Variants in CSRP3 observed in about 807,000 individuals in gnomAD.
The protein encoded by CSRP3 is cysteine and glycine-rich protein 3.
A neutral mutation model predicts 24.3 loss-of-function variants in CSRP3; 24 were observed. That is an observed-to-expected ratio of 0.99 (90% CI 0.71 to 1.39). The LOEUF is 1.39. CSRP3 is among the 40% of genes most tolerant of loss of function. The pLI is 0.00. For missense variants in CSRP3, 240 were observed against 249.0 expected (o/e 0.96, Z 0.24); for synonymous variants, 105 against 94.0 (o/e 1.12, Z -0.68).
At chr11:19,194,932 C>G (rs1850673217) in intron 1 of CSRP3, among the ~76,000 whole-genome samples, 2 of 151,780 alleles carry the variant, frequency 1.3e-5, no homozygotes. Flanking sequence ...AGTTTGTGAC[C>G]CCTGGCATTG....
intron 2 of CSRP3, among the ~76,000 whole-genome samples, chr11:19,191,938 C>T (rs1009478438): frequency 5.9e-5 from 9 of 152,200 alleles, no homozygotes; most frequent in African/African-American, 2.2e-4. Context: ...TCAGTCACAG[C>T]TGACCAGAAG....
At chr11:19,186,065 G>A in intron 4 of CSRP3, 151 bp downstream of exon 4, 1 of 970,914 alleles carries the variant, frequency 1.0e-6, no homozygotes, top group Non-Finnish European at 1.6e-6. Flanking sequence ...GCCCCAGCCT[G>A]GGAAAGTGGC....
chr11:19,186,884 G>A (rs775964293), intron 3 of CSRP3, among the ~76,000 whole-genome samples: 8 of 152,234 alleles, frequency 5.3e-5, no homozygotes, highest in Non-Finnish European at 7.3e-5. Flanking sequence ...TGTCCCAGGA[G>A]AACAATGTCC....
intron 1 of CSRP3, among the ~76,000 whole-genome samples, chr11:19,194,843 A>G (rs867457640): frequency 9.9e-5 from 15 of 152,280 alleles, no homozygotes; most frequent in Middle Eastern, 3.4e-3. Flanking sequence ...TTCACCCTGC[A>G]TTTACTACCT....
intron 1 of CSRP3, among the ~76,000 whole-genome samples, chr11:19,194,721 ATGTGGTTTTTCTATTTC>A (rs1850669546): frequency 6.6e-6 from 1 of 152,218 alleles, no homozygotes; most frequent in African/African-American, 2.4e-5. Context: ...AAATGGAAGC[ATGTGGTTTTTCTATTTC>A]TGTAGTTCGG....
At chr11:19,191,585 G>T (rs1176274406) in intron 2 of CSRP3, among the ~76,000 whole-genome samples, 1 of 152,160 alleles carries the variant, frequency 6.6e-6, no homozygotes, top group Non-Finnish European at 1.5e-5. Context: ...GGAGTCTAAA[G>T]GTAGAGGTTC....
chr11:19,196,150 C>G (rs1850699199), intron 1 of CSRP3, among the ~76,000 whole-genome samples: 1 of 152,186 alleles, frequency 6.6e-6, no homozygotes, highest in African/African-American at 2.4e-5. Context: ...GTAGTCCCAG[C>G]TACTCAGGAG....
chr11:19,191,808 A>G (rs948665988), intron 2 of CSRP3, among the ~76,000 whole-genome samples: 5 of 152,114 alleles, frequency 3.3e-5, no homozygotes, highest in African/African-American at 1.2e-4. Context: ...TCTTTCATGC[A>G]GTTACTGGTG....
chr11:19,199,066 G>A (rs538596287), intron 1 of CSRP3, among the ~76,000 whole-genome samples: 53 of 152,336 alleles, frequency 3.5e-4, no homozygotes, highest in Non-Finnish European at 6.0e-4. Context: ...TTCAGACTGT[G>A]AATCAGCTTT....
intron 1 of CSRP3, among the ~76,000 whole-genome samples, chr11:19,201,435 T>C (rs543490388): frequency 6.6e-6 from 1 of 152,326 alleles, no homozygotes; most frequent in South Asian, 2.1e-4. Context: ...ATATATTGCA[T>C]CTAGTACAAT....
In CSRP3 at chr11:19,185,056, C is replaced by A. The variant is rs886048097; in HGVS notation, c.415-11G>T. 2.5e-6 allele frequency: 4 copies of A among 1,609,082 alleles called. No homozygotes were observed. Among genetic ancestry groups the A allele is most frequent in the Middle Eastern group, 1.7e-4 (1 of 6,054 alleles). On this transcript the variant is annotated splice_polypyrimidine_tract_variant and intron_variant, in intron 4 of 5. Transcript: ENST00000265968. Reference sequence around the variant, plus strand: ...GGTCTTGTGCCAAGGCTGAGGGGCACAGAAAAGTTGCATATTTAATGAGGT... The same window carrying A: ...GGTCTTGTGCCAAGGCTGAGGGGCAAAGAAAAGTTGCATATTTAATGAGGT...
chr11:19,192,699 C>T (rs750994565), intron 1 of CSRP3, among the ~76,000 whole-genome samples: 4 of 152,174 alleles, frequency 2.6e-5, no homozygotes, highest in Non-Finnish European at 5.9e-5. Context: ...TCAGTTTCTT[C>T]TCCTGTTAAA....
At chr11:19,184,865 G>A in intron 5 of CSRP3, 87 bp downstream of exon 5, 1 of 1,015,580 alleles carries the variant, frequency 9.8e-7, no homozygotes, top group East Asian at 2.4e-5. Context: ...GAAGACACGG[G>A]AAGACCTCCA....
At chr11:19,182,777 C>T (rs113174709) in intron 5 of CSRP3, 31 bp from the exon 6 acceptor site, 3 of 1,517,816 alleles carry the variant, frequency 2.0e-6, no homozygotes, top group Non-Finnish European at 9.2e-7. Flanking sequence ...AAGGGAGAGA[C>T]AATGCATTGG....
intron 1 of CSRP3, among the ~76,000 whole-genome samples, chr11:19,198,976 A>G (rs532785459): frequency 6.6e-6 from 1 of 152,344 alleles, no homozygotes; most frequent in East Asian, 1.9e-4. Context: ...TATTGTTGTT[A>G]TTACATTATC....
chr11:19,196,899 G>A (rs1247020967), intron 1 of CSRP3: 1 of 152,250 alleles, frequency 6.6e-6, no homozygotes. Context: ...TTGGACTCCA[G>A]ATTTGGATAC....
At chr11:19,186,611 T>C (rs1276030372) in intron 3 of CSRP3, among the ~76,000 whole-genome samples, 1 of 152,232 alleles carries the variant, frequency 6.6e-6, no homozygotes, top group Non-Finnish European at 1.5e-5. Flanking sequence ...CTTTCCTTTT[T>C]GTTGTGAAGC....
At chr11:19,197,448 TTTTCC>T (rs1850746268) in intron 1 of CSRP3, among the ~76,000 whole-genome samples, 1 of 145,534 alleles carries the variant, frequency 6.9e-6, no homozygotes, top group African/African-American at 2.6e-5. Context: ...TTTCCATCCT[TTTTCC>T]TTTCCTTCCC....
In CSRP3 at chr11:19,192,444, G is replaced by T. The variant is rs762730416; in HGVS notation, c.5C>A (p.Pro2Gln). 1.9e-6 allele frequency: 3 copies of T among 1,613,832 alleles called. No individual in the cohort carries two copies. Among genetic ancestry groups the T allele is most frequent in the Non-Finnish European group, 2.5e-6 (3 of 1,179,754 alleles). The change falls in exon 2 of 6, where the codon CCA becomes CAA. Residue 2 changes from proline (P) to glutamine (Q), a missense_variant. Physicochemically the swap from Pro to Gln is moderately conservative, Grantham distance 76. Transcript: ENST00000265968. Reference protein sequence around the residue: MPNWGGGAKCGA... With the variant: MQNWGGGAKCGA... ...ACATTTTGCGCCTCCGCCCCAGTTT[G>T]GCATCTTGAAGACTATCTGGTCAAG...
Sources: allele counts gnomAD v4.1 joint callset (sites outside exome capture counted in the v4.1 genomes callset), GRCh38; gene constraint gnomAD v4.1.1; transcripts MANE v1.5; gene names NCBI Gene and HGNC (gene_info 2026-07-23, HGNC 2026-07-21).